Variants in PPP4R3B observed in about 807,000 individuals in gnomAD.
PPP4R3B encodes protein phosphatase 4 regulatory subunit 3B, also known as serine/threonine-protein phosphatase 4 regulatory subunit 3B.
In PPP4R3B, 52 loss-of-function variants were observed where a neutral mutation model predicts 95.4. The observed-to-expected ratio is 0.54, with a 90% CI of 0.44 to 0.69. The LOEUF is 0.69. PPP4R3B is among the 30% of genes least tolerant of loss of function. PPP4R3B has a pLI of 0.00. For missense variants in PPP4R3B, 1,003 were observed against 1,005.9 expected, an observed-to-expected ratio of 1.00 and a Z score of 0.04; for synonymous variants, 407 against 343.9, an observed-to-expected ratio of 1.18 and a Z score of -2.03.
intron 2 of PPP4R3B, among the ~76,000 whole-genome samples, chr2:55,606,596 C>T (rs1456321040): frequency 6.6e-6 from 1 of 151,656 alleles, no homozygotes; most frequent in Non-Finnish European, 1.5e-5. Context: ...CCGAGGCGGG[C>T]GGATCACCTG....
At chr2:55,578,158 A>G (rs527571255) in intron 10 of PPP4R3B, 89 bp downstream of exon 10, 3 of 1,209,200 alleles carry the variant, frequency 2.5e-6, no homozygotes, top group Admixed American at 8.4e-5. Flanking sequence ...AATTTATAGC[A>G]ACTTTGAAAA....
chr2:55,617,380 T>G lies in PPP4R3B; in HGVS notation c.-95A>C, dbSNP rs1038047960. 26 of 1,355,948 alleles carry G rather than the reference T, an allele frequency of 1.9e-5. No homozygotes were observed. The highest frequency in any genetic ancestry group is 1.6e-4 in the East Asian group (6 of 36,366). The allele number at this position is 1,355,948 out of a possible 1,614,324, so 84.0% of individuals were successfully genotyped here. A position where few individuals can be genotyped will look rare whatever the true frequency, so the allele number is the denominator to read the frequency against. ...GAGACGGTAAAGGCAGTAGTGGCGG[T>G]GGCGGCGGCGGCGGCTTCGGAGAGG... On this transcript the variant is annotated 5_prime_UTR_variant, in exon 1 of 17. Coordinates refer to ENST00000616407, the MANE Select transcript of PPP4R3B (RefSeq NM_001122964.3).
At chr2:55,550,725 T>C (rs1306517773) in intron 16 of PPP4R3B, among the ~76,000 whole-genome samples, 1 of 152,192 alleles carries the variant, frequency 6.6e-6, no homozygotes, top group African/African-American at 2.4e-5. Flanking sequence ...GTAAACACTG[T>C]ATTTAGTTCA....
intron 16 of PPP4R3B, among the ~76,000 whole-genome samples, chr2:55,553,217 A>C (rs1266055466): frequency 6.6e-6 from 1 of 152,242 alleles, no homozygotes; most frequent in Non-Finnish European, 1.5e-5. Flanking sequence ...AAATGAAAGA[A>C]TAAATTTAAA....
At chr2:55,559,075 T>G in intron 15 of PPP4R3B, 107 bp from the exon 16 acceptor site, 1 of 874,076 alleles carries the variant, frequency 1.1e-6, no homozygotes, top group Non-Finnish European at 1.7e-6. Flanking sequence ...TGCCCGGGCA[T>G]GGTGGCTCAC....
At chr2:55,558,345 C>T (rs957323095) in intron 16 of PPP4R3B, among the ~76,000 whole-genome samples, 20 of 149,054 alleles carry the variant, frequency 1.3e-4, no homozygotes, top group African/African-American at 5.0e-4. Flanking sequence ...TATCATAAGC[C>T]TAAATAAAAT....
At chr2:55,554,212 G>T (rs1222440644) in intron 16 of PPP4R3B, among the ~76,000 whole-genome samples, 1 of 152,156 alleles carries the variant, frequency 6.6e-6, no homozygotes, top group Non-Finnish European at 1.5e-5. Context: ...CCACAGGCAT[G>T]TGCCACCATG....
In PPP4R3B at chr2:55,586,688, G is replaced by C. The variant is rs1327226924; in HGVS notation, c.1046C>G (p.Pro349Arg). Reference sequence around the variant, plus strand: ...TTTGAAAAATGCATCCCTGTTTTGAGGTTGTAATGTCTGAGAAAATGCACA... The same window carrying C: ...TTTGAAAAATGCATCCCTGTTTTGACGTTGTAATGTCTGAGAAAATGCACA... ...EFCAFSQTLQ[P>R]QNRDAFFKTL... Residue 349 changes from proline (P) to arginine (R), a missense_variant, in exon 6 of 17, where the codon CCT becomes CGT. Coordinates refer to ENST00000616407, the MANE Select transcript of PPP4R3B (RefSeq NM_001122964.3). 1 of 1,608,322 alleles carries C rather than the reference G, an allele frequency of 6.2e-7. No homozygotes were observed. The highest frequency in any genetic ancestry group is 8.5e-7 in the Non-Finnish European group (1 of 1,177,738).
At chr2:55,563,950 G>C (rs1369417786) in intron 15 of PPP4R3B, among the ~76,000 whole-genome samples, 2 of 152,130 alleles carry the variant, frequency 1.3e-5, no homozygotes, top group African/African-American at 4.8e-5. Flanking sequence ...AGCTGTAAAA[G>C]ACACAGGCAA....
In PPP4R3B at chr2:55,549,999, A is replaced by G; in HGVS notation, c.2462T>C (p.Leu821Ser). The part of the protein sequence containing the change: ...PTSVTATKGS[L>S]VGLVDYPDDE... ...ATCTGGATAATCCACTAAGCCAACCAAACTTCCCTATTGAAGAATTTAAAA... is the reference window on the plus strand; with the variant it reads ...ATCTGGATAATCCACTAAGCCAACCGAACTTCCCTATTGAAGAATTTAAAA... Residue 821 changes from leucine (L) to serine (S), a missense_variant, in exon 17 of 17, where the codon TTG becomes TCG. Physicochemically the swap from Leu to Ser is moderately radical, Grantham distance 145 (BLOSUM62 -2). Transcript: ENST00000616407. 6 of 1,603,098 alleles carry G rather than the reference A, an allele frequency of 3.7e-6. No homozygotes were observed. Among genetic ancestry groups the G allele is most frequent in the Non-Finnish European group, 5.1e-6 (6 of 1,177,472 alleles).
At chr2:55,605,780 CCTATAGTCCCAGCTA>C (rs1693288463) in intron 2 of PPP4R3B, among the ~76,000 whole-genome samples, 1 of 151,978 alleles carries the variant, frequency 6.6e-6, no homozygotes, top group African/African-American at 2.4e-5. Flanking sequence ...GTGGCGCGTG[CCTATAGTCCCAGCTA>C]CTCAGTAGGC....
At chr2:55,562,519 G>A (rs13015744) in intron 15 of PPP4R3B, among the ~76,000 whole-genome samples, 34,126 of 152,052 alleles carry the variant, frequency 0.22, 3,954 homozygotes, top group East Asian at 0.3. Context: ...CTTTCCTTTC[G>A]CCTTCGACCA....
intron 16 of PPP4R3B, among the ~76,000 whole-genome samples, chr2:55,552,850 G>A (rs894112221): frequency 2.0e-5 from 3 of 152,206 alleles, no homozygotes; most frequent in African/African-American, 7.2e-5. Flanking sequence ...GGCAAGGCAA[G>A]TCATACAACA....
intron 4 of PPP4R3B, among the ~76,000 whole-genome samples, chr2:55,597,822 A>AATAC (rs1470606446): frequency 6.6e-6 from 1 of 152,142 alleles, no homozygotes; most frequent in Non-Finnish European, 1.5e-5. Context: ...TAAATAAATA[A>AATAC]ATAGTCAAAA....
At position 55,564,406 on chromosome 2, in the gene PPP4R3B, C is replaced by T. The variant is rs370731321; in HGVS notation, c.2167G>A (p.Glu723Lys). 19 of 1,613,882 alleles carry T rather than the reference C, an allele frequency of 1.2e-5. No individual in the cohort carries two copies. The African/African-American group carries it at 2.3e-4, about 19-fold the overall frequency. The stretch of plus-strand genomic sequence containing the variant: ...GGTGCCACAACTGCTTTTCCTTCCT[C>T]TTCTTCATCTTCATTAAACCACATT... ...EEMWFNEDEEEEGKAVVAPVE... is the reference protein window; with the variant it reads ...EEMWFNEDEEKEGKAVVAPVE... Residue 723 changes from glutamate (E) to lysine (K), a missense_variant, in exon 15 of 17, where the codon GAG (glutamate) becomes AAG (lysine). Physicochemically the swap from Glu to Lys is moderately conservative, Grantham distance 56 (BLOSUM62 1). Around this residue, in one of 3 missense-constraint regions of PPP4R3B, gnomAD observed 229 missense variants for 194.7 expected, o/e 1.18. Transcript: ENST00000616407.
chr2:55,581,821 G>A (rs958432739), intron 7 of PPP4R3B, 123 bp from the exon 8 acceptor site: 37 of 1,030,368 alleles, frequency 3.6e-5, no homozygotes, highest in Non-Finnish European at 4.5e-5. Context: ...GAATGGAATA[G>A]CTTATTTAAA....
rs541642269 is a variant in PPP4R3B, at chr2:55,586,805, C to T, written c.1000-71G>A. The stretch of plus-strand genomic sequence containing the variant: ...GGGGCACACTATAGTAATCATCTAC[C>T]ATGGTGTGGTATTCACCCTTCTGAA... On this transcript the variant is annotated intron_variant, in intron 5 of 16. Transcript: ENST00000616407. The T allele has an allele frequency of 6.1e-5, 53 of 870,064 alleles. No homozygotes were observed. In the East Asian group the frequency reaches 8.4e-4, roughly 14 times the overall value. 53.9% of individuals were successfully genotyped at this position (870,064 alleles called of 1,614,324 possible). A position where few individuals can be genotyped will look rare whatever the true frequency, so the allele number is the denominator to read the frequency against.
intron 4 of PPP4R3B, among the ~76,000 whole-genome samples, chr2:55,592,724 A>T (rs1691209784): frequency 6.6e-6 from 1 of 152,238 alleles, no homozygotes; most frequent in African/African-American, 2.4e-5. Context: ...AATATAATAT[A>T]TGTAAATGTG....
intron 2 of PPP4R3B, among the ~76,000 whole-genome samples, chr2:55,605,983 C>A (rs771728590): frequency 1.9e-4 from 28 of 149,572 alleles, no homozygotes; most frequent in Non-Finnish European, 3.6e-4. Context: ...TTTAAAAAAA[C>A]CAGAAACCCT....
Sources: gnomAD v4.1 joint callset for allele counts (sites outside exome capture counted in the v4.1 genomes callset) on GRCh38, gnomAD v4.1.1 for gene constraint, gnomAD v4.1.1 regional missense constraint, MANE v1.5 for transcripts, NCBI Gene and HGNC (gene_info 2026-07-23, HGNC 2026-07-21) for gene names.